ALPK1: variants seen among roughly 807,000 people sequenced by gnomAD.
The protein encoded by ALPK1 is alpha-protein kinase 1.
In ALPK1, 110 loss-of-function variants were observed where a neutral mutation model predicts 120.6. The observed-to-expected ratio is 0.91, with a 90% CI of 0.78 to 1.07. The LOEUF is 1.07. ALPK1 is among the 50% of genes least tolerant of loss of function. ALPK1 has a pLI of 0.00. For synonymous variants in ALPK1, 582 were observed against 560.3 expected (o/e 1.04, Z -0.55); for missense variants, 1,498 against 1,483.9 (o/e 1.01, Z -0.16).
At chr4:112,423,053 T>A (rs1734069804) in intron 5 of ALPK1, among the ~76,000 whole-genome samples, 1 of 152,154 alleles carries the variant, frequency 6.6e-6, no homozygotes, top group African/African-American at 2.4e-5. Context: ...CAAACGAGCG[T>A]GAAGAATGGA....
At chr4:112,353,824 G>A in intron 2 of ALPK1, among the ~76,000 whole-genome samples, 1 of 152,014 alleles carries the variant, frequency 6.6e-6, no homozygotes, top group South Asian at 2.1e-4. Flanking sequence ...AGCCGAGATT[G>A]CACCACTGCA....
chr4:112,322,771 C>CA (rs1433659541), intron 2 of ALPK1, among the ~76,000 whole-genome samples: 1 of 152,078 alleles, frequency 6.6e-6, no homozygotes, highest in Non-Finnish European at 1.5e-5. Context: ...AAATAGGACT[C>CA]AAGAACGAAT....
chr4:112,354,649 G>A (rs1730517690), intron 2 of ALPK1, among the ~76,000 whole-genome samples: 2 of 152,042 alleles, frequency 1.3e-5, no homozygotes, highest in South Asian at 4.1e-4. Flanking sequence ...TGTGTTTTTA[G>A]TAGAGATGGG....
At chr4:112,304,821 G>T (rs1383167272) in intron 1 of ALPK1, among the ~76,000 whole-genome samples, 1 of 152,050 alleles carries the variant, frequency 6.6e-6, no homozygotes, top group Non-Finnish European at 1.5e-5. Flanking sequence ...TGAAGTCCTT[G>T]CCCATGCCTA....
chr4:112,354,448 G>GT (rs1210826256), intron 2 of ALPK1, among the ~76,000 whole-genome samples: 2 of 151,762 alleles, frequency 1.3e-5, no homozygotes, highest in Non-Finnish European at 2.9e-5. Flanking sequence ...TTCTTTTACT[G>GT]TTTTTTGTTT....
At chr4:112,351,316 A>G (rs916225993) in intron 2 of ALPK1, among the ~76,000 whole-genome samples, 2 of 152,156 alleles carry the variant, frequency 1.3e-5, no homozygotes, top group African/African-American at 4.8e-5. Context: ...CAAGAGAGAT[A>G]GAGGGAAGGG....
intron 6 of ALPK1, among the ~76,000 whole-genome samples, chr4:112,424,573 G>A (rs1335714107): frequency 6.6e-6 from 1 of 152,174 alleles, no homozygotes; most frequent in Admixed American, 6.5e-5. Context: ...ATTTAAGTTA[G>A]CAAGTTTACC....
rs1731733197 is a variant in ALPK1, at chr4:112,377,823, C to T, written c.46C>T (p.Gln16Ter). 3.1e-6 allele frequency: 5 copies of T among 1,613,332 alleles called. No homozygotes were observed. Among genetic ancestry groups the T allele is most frequent in the African/African-American group, 1.3e-5 (1 of 74,854 alleles). Residue 16 changes from glutamine to a stop codon, truncating the protein, a stop_gained, in exon 3 of 16, where the codon CAA becomes TAA. Coordinates refer to ENST00000650871, the MANE Select transcript of ALPK1 (RefSeq NM_025144.4). LOFTEE classifies it high-confidence loss of function. ...AGCTGTGCTACTGCAAGAGTGCAAG[C>T]AAGTGCTGGATCAGCTCTTGTTGGA... is the stretch of plus-strand genomic sequence containing the variant. ...VVAVLLQECKQVLDQLLLEAP... is the reference protein window; with the variant it reads ...VVAVLLQECK
At chr4:112,317,932 A>G (rs1029178687) in intron 2 of ALPK1, among the ~76,000 whole-genome samples, 14 of 152,198 alleles carry the variant, frequency 9.2e-5, no homozygotes, top group Non-Finnish European at 1.5e-5. Flanking sequence ...AAATGTACAA[A>G]TGGAAGTATA....
chr4:112,367,309 T>A (rs1378675222), intron 2 of ALPK1, among the ~76,000 whole-genome samples: 1 of 152,224 alleles, frequency 6.6e-6, no homozygotes, highest in East Asian at 1.9e-4. Context: ...CAGTAGACTA[T>A]ACATCAGAAT....
intron 2 of ALPK1, chr4:112,356,747 T>A (rs536415598): frequency 2.5e-6 from 2 of 808,970 alleles, no homozygotes; most frequent in African/African-American, 3.4e-5. Flanking sequence ...GCACGGAGTA[T>A]GCCCTTATTA....
At chr4:112,309,961 T>C (rs965238478) in intron 1 of ALPK1, among the ~76,000 whole-genome samples, 3 of 151,924 alleles carry the variant, frequency 2.0e-5, no homozygotes, top group Non-Finnish European at 4.4e-5. Context: ...CAATAACTTA[T>C]TGAAATAAAT....
intron 9 of ALPK1, among the ~76,000 whole-genome samples, chr4:112,428,765 G>A (rs997143441): frequency 6.6e-6 from 1 of 152,318 alleles, no homozygotes; most frequent in Non-Finnish European, 1.5e-5. Flanking sequence ...CTGGAATGTG[G>A]TGGTACTCTA....
intron 4 of ALPK1, among the ~76,000 whole-genome samples, chr4:112,398,749 C>T (rs184694094): frequency 6.6e-6 from 1 of 152,230 alleles, no homozygotes; most frequent in East Asian, 1.9e-4. Context: ...CCTATCCAAG[C>T]AAGACTGTAA....
intron 5 of ALPK1, among the ~76,000 whole-genome samples, chr4:112,412,647 T>G (rs1733541821): frequency 6.6e-6 from 1 of 152,184 alleles, no homozygotes; most frequent in Non-Finnish European, 1.5e-5. Context: ...CAAAGTCCAC[T>G]TCCATAGAAT....
intron 2 of ALPK1, among the ~76,000 whole-genome samples, chr4:112,316,855 G>C (rs528747664): frequency 6.6e-6 from 1 of 151,876 alleles, no homozygotes; most frequent in East Asian, 1.9e-4. Flanking sequence ...AGGCAAAACA[G>C]TAACCTGTCA....
intron 3 of ALPK1, among the ~76,000 whole-genome samples, chr4:112,380,584 T>C (rs566682412): frequency 2.4e-4 from 37 of 152,302 alleles, no homozygotes; most frequent in African/African-American, 8.2e-4. Context: ...TAAAAAGGGA[T>C]CACAGACCAA....
At chr4:112,297,549 G>A (rs915082543) in intron 1 of ALPK1, 80 bp downstream of exon 1, 2 of 151,430 alleles carry the variant, frequency 1.3e-5, no homozygotes, top group Non-Finnish European at 2.9e-5. Flanking sequence ...TGTTGACTCA[G>A]TTTCCATCTG....
intron 5 of ALPK1, among the ~76,000 whole-genome samples, chr4:112,413,230 A>G (rs1402295213): frequency 6.6e-6 from 1 of 152,190 alleles, no homozygotes; most frequent in Non-Finnish European, 1.5e-5. Flanking sequence ...AGAGTGGTGA[A>G]GGCTGGAGGG....
Sources: allele counts gnomAD v4.1 joint callset (sites outside exome capture counted in the v4.1 genomes callset), GRCh38; gene constraint gnomAD v4.1.1; transcripts MANE v1.5; gene names NCBI Gene and HGNC (gene_info 2026-07-23, HGNC 2026-07-21).